Variants in NTRK3 observed in about 807,000 individuals in gnomAD.
NTRK3 encodes NT-3 growth factor receptor.
NTRK3 carries 24 observed loss-of-function variants against 91.7 expected under a neutral mutation model. The ratio of observed to expected loss-of-function variants is 0.26; its 90% confidence interval spans 0.19 to 0.37. The LOEUF (loss-of-function observed/expected upper bound fraction) is 0.37, where lower values mean the gene tolerates loss of function less well. Ranked by LOEUF, NTRK3 falls within the 10% of genes least tolerant of loss-of-function variation. The pLI, the probability that NTRK3 is intolerant of heterozygous loss-of-function variation, is 1.00. For synonymous variants in NTRK3, 483 were observed against 404.0 expected, an observed-to-expected ratio of 1.20 and a Z score of -2.34; for missense variants, 880 against 1,068.9, an observed-to-expected ratio of 0.82 and a Z score of 2.46.
exon 18 of NTRK3, chr15:87,880,425 C>T (rs2141469369): frequency 6.2e-7 from 1 of 1,614,040 alleles, no homozygotes. Context: ...GTGTGTCCTC[C>T]CACCTAAAAG....
chr15:88,111,984 G>A (rs1045797116), intron 13 of NTRK3, among the ~76,000 whole-genome samples: 3 of 150,590 alleles, frequency 2.0e-5, no homozygotes, highest in Admixed American at 2.0e-4. Context: ...TCGGCTCACT[G>A]CAAGCTCCGC....
chr15:88,183,172 G>C lies in NTRK3; in HGVS notation c.395+246C>G, dbSNP rs185311851. On this transcript the variant is annotated intron_variant, in intron 5 of 18. Coordinates refer to ENST00000394480, the Ensembl canonical transcript of NTRK3. ...TCATCATGAAAGTGAACACACTTGG[G>C]TGTCAGGAGACTGACTCTCCCTCTC... is the stretch of plus-strand genomic sequence containing the variant. Among the ~76,000 whole-genome samples, 242 of 152,190 alleles carry C rather than the reference G, an allele frequency of 1.6e-3. 5 individuals are homozygous for C. The highest frequency in any genetic ancestry group is 1.2e-3 in the East Asian group (6 of 5,174).
rs1243784088 is a variant in NTRK3 at position 88,136,175 on chromosome 15, C to T, written c.766-135G>A. The T allele has an allele frequency of 2.1e-5, 24 of 1,162,530 alleles. No individual in the cohort carries two copies. In the South Asian group the frequency reaches 2.9e-4, roughly 14 times the overall value. The allele number at this position is 1,162,530 out of a possible 1,614,324, so 72.0% of individuals were successfully genotyped here. On this transcript the variant is annotated intron_variant, in intron 8 of 18. Transcript: ENST00000394480. ...AAGGAGATCTTTGTGTGAAAGCACA[C>T]TGGCCAAATGCCAGGCTCCTCATAG...
chr15:88,196,064 G>C (rs563049005), intron 3 of NTRK3, among the ~76,000 whole-genome samples: 1 of 152,222 alleles, frequency 6.6e-6, no homozygotes, highest in Non-Finnish European at 1.5e-5. Flanking sequence ...TTAAGCTCAA[G>C]TGCATTGCAT....
chr15:88,067,879 A>G (rs1318641332), intron 13 of NTRK3, among the ~76,000 whole-genome samples: 1 of 152,210 alleles, frequency 6.6e-6, no homozygotes, highest in East Asian at 1.9e-4. Flanking sequence ...CTTGATGGAG[A>G]GCAAGTGCTC....
chr15:88,081,083 C>A (rs901895902), intron 13 of NTRK3, among the ~76,000 whole-genome samples: 1 of 152,200 alleles, frequency 6.6e-6, no homozygotes, highest in African/African-American at 2.4e-5. Flanking sequence ...TCACTTCTAG[C>A]ACAGATTGGC....
exon 19 of NTRK3, chr15:87,872,187 G>T: frequency 4.5e-6 from 1 of 220,294 alleles, no homozygotes; most frequent in Non-Finnish European, 9.1e-6. Flanking sequence ...TGGCAGGTGG[G>T]TTCATTCAAC....
intron 17 of NTRK3, among the ~76,000 whole-genome samples, chr15:87,918,405 T>A (rs915879533): frequency 9.9e-5 from 15 of 152,184 alleles, no homozygotes; most frequent in African/African-American, 2.7e-4. Context: ...CTTCCATAGA[T>A]CCTTAGTTTC....
intron 17 of NTRK3, chr15:87,925,440 T>G (rs2068212491): frequency 1.1e-5 from 1 of 94,702 alleles, no homozygotes; most frequent in African/African-American, 7.6e-5. Context: ...CACACGTGTA[T>G]GCACACACAC....
At chr15:88,068,461 A>G (rs1288247531) in intron 13 of NTRK3, among the ~76,000 whole-genome samples, 1 of 152,134 alleles carries the variant, frequency 6.6e-6, no homozygotes, top group Non-Finnish European at 1.5e-5. Context: ...AACAAAACAA[A>G]AAAACACTAT....
At chr15:88,097,115 G>A (rs2049689909) in intron 13 of NTRK3, among the ~76,000 whole-genome samples, 1 of 152,188 alleles carries the variant, frequency 6.6e-6, no homozygotes, top group Non-Finnish European at 1.5e-5. Context: ...AGGCTGACAT[G>A]ATAGCATCTC....
In NTRK3 at chr15:88,235,262, C is replaced by G. The variant is rs940570173; in HGVS notation, c.248+20644G>C. 6.6e-6 allele frequency among the ~76,000 whole-genome samples: 1 copy of G among 152,230 alleles called. No homozygotes were observed. The highest frequency in any genetic ancestry group is 1.5e-5 in the Non-Finnish European group (1 of 68,040). ...GTCTTGCACATCACAGAATCACCAA[C>G]ATGAATGAGTAAGGCCTGTGTCGCT... is the stretch of plus-strand genomic sequence containing the variant. On this transcript the variant is annotated intron_variant, in intron 3 of 18. Coordinates refer to ENST00000394480, the Ensembl canonical transcript of NTRK3. This position sits in a 1 kb window ranked among gnomAD's most constrained non-coding sequence, Gnocchi z 5.2.
intron 14 of NTRK3, among the ~76,000 whole-genome samples, chr15:88,031,065 G>A (rs1274451059): frequency 1.3e-5 from 2 of 152,202 alleles, no homozygotes; most frequent in East Asian, 3.9e-4. Flanking sequence ...CAGGAAGAGT[G>A]ACAGTGGCCA....
chr15:87,969,412 AAAT>A (rs2073075202), intron 14 of NTRK3, among the ~76,000 whole-genome samples: 1 of 152,200 alleles, frequency 6.6e-6, no homozygotes, highest in African/African-American at 2.4e-5. Flanking sequence ...TTCTTGATTA[AAAT>A]AATGATAATA....
intron 3 of NTRK3, among the ~76,000 whole-genome samples, chr15:88,188,470 C>T (rs1225174934): frequency 1.3e-5 from 2 of 152,174 alleles, no homozygotes; most frequent in South Asian, 2.1e-4. Context: ...CAGCCCCCAC[C>T]GCTAAGAATC....
intron 17 of NTRK3, chr15:87,916,529 T>C (rs2067456993): frequency 1.4e-6 from 1 of 702,338 alleles, no homozygotes; most frequent in Non-Finnish European, 2.6e-6. Context: ...CCCGTCTTTT[T>C]TCCCCAGTAT....
At position 88,132,792 on chromosome 15, in the gene NTRK3, C is replaced by T. The variant is rs113095586; in HGVS notation, c.1204+2309G>A. On this transcript the variant is annotated intron_variant, in intron 10 of 18. Transcript: ENST00000394480. ...ACTTGGCATCGTTTCCCTGTCACTG[C>T]CTTTTCATCACCCATTGATCCCTTT... Among the ~76,000 whole-genome samples, 107 of 152,270 alleles carry T rather than the reference C, an allele frequency of 7.0e-4. No individual in the cohort carries two copies. The South Asian group carries it at 8.7e-3, about 12-fold the overall frequency.
intron 3 of NTRK3, among the ~76,000 whole-genome samples, chr15:88,205,088 A>G (rs1347908481): frequency 3.3e-5 from 5 of 152,192 alleles, no homozygotes; most frequent in African/African-American, 9.7e-5. Flanking sequence ...AGAAAGAAGA[A>G]AACAATCCAG....
intron 10 of NTRK3, among the ~76,000 whole-genome samples, chr15:88,129,422 G>C (rs1017991862): frequency 6.6e-5 from 10 of 152,134 alleles, no homozygotes; most frequent in African/African-American, 2.4e-4. Context: ...AAGGAAACAG[G>C]CTTATACAGA....
Sources: gnomAD v4.1 joint callset for allele counts (sites outside exome capture counted in the v4.1 genomes callset) on GRCh38, gnomAD v4.1.1 for gene constraint, Gnocchi (gnomAD v3.1) non-coding constraint, MANE v1.5 for transcripts, NCBI Gene and HGNC (gene_info 2026-07-23, HGNC 2026-07-21) for gene names.